Variants in PIK3CB observed in about 807,000 individuals in gnomAD.
PIK3CB encodes phosphatidylinositol 4,5-bisphosphate 3-kinase catalytic subunit beta isoform.
In PIK3CB, 39 loss-of-function variants were observed where a neutral mutation model predicts 136.8. The ratio of observed to expected loss-of-function variants is 0.29; its 90% confidence interval spans 0.22 to 0.37. PIK3CB has a LOEUF of 0.37. PIK3CB is among the 10% of genes least tolerant of loss of function. The pLI is 1.00. For synonymous variants in PIK3CB, 428 were observed against 436.6 expected (o/e 0.98, Z 0.25); for missense variants, 868 against 1,275.4 (o/e 0.68, Z 4.87).
At position 138,707,309 on chromosome 3, in the gene PIK3CB, T is replaced by C; in HGVS notation, c.1400-20A>G. 1 of 1,581,208 alleles carries C rather than the reference T, an allele frequency of 6.3e-7. No individual in the cohort carries two copies. The highest frequency in any genetic ancestry group is 2.3e-5 in the East Asian group (1 of 44,244). On this transcript the variant is annotated intron_variant, in intron 10 of 23. Coordinates refer to ENST00000674063, the MANE Select transcript of PIK3CB (RefSeq NM_006219.3). ...GTTCATCTAAAACATGCAAATAATTTTGGTTCTTAAAAAATGTCTTTAAAA... is the reference window on the plus strand; with the variant it reads ...GTTCATCTAAAACATGCAAATAATTCTGGTTCTTAAAAAATGTCTTTAAAA...
Position 138,688,963 on chromosome 3 carries a change from T to G in PIK3CB, c.2048A>C (p.His683Pro). The G allele has an allele frequency of 6.8e-6, 11 of 1,611,156 alleles. No homozygotes were observed. Among genetic ancestry groups the G allele is most frequent in the Non-Finnish European group, 9.3e-6 (11 of 1,177,258 alleles). ...AAATTGTACTGAGACAGCAGGAATG[T>G]GCACTTCTGACCTGCAGAAAGTTAA... is the stretch of plus-strand genomic sequence containing the variant. ...FLFWHLRSEV[H>P]IPAVSVQFGV... The change falls in exon 16 of 24, where the codon CAC becomes CCC. Residue 683 changes from histidine to proline, a missense_variant. Physicochemically the swap from His to Pro is moderately conservative, Grantham distance 77. This residue lies in a region of PIK3CB where 165 missense variants were observed against 295.4 expected (regional missense o/e 0.56). Transcript: ENST00000674063.
chr3:138,695,004 C>A, intron 13 of PIK3CB, 97 bp from the exon 14 acceptor site: 1 of 1,180,772 alleles, frequency 8.5e-7, no homozygotes, highest in Non-Finnish European at 1.2e-6. Context: ...CAAAAGAAGG[C>A]AAAGCTCACT....
chr3:138,693,990 A>G (rs1203232423), intron 14 of PIK3CB, among the ~76,000 whole-genome samples: 2 of 115,468 alleles, frequency 1.7e-5, no homozygotes, highest in African/African-American at 3.5e-5. Flanking sequence ...ATATATATAT[A>G]TATTTTAAAC....
At chr3:138,780,551 G>A (rs777445977) in intron 2 of PIK3CB, among the ~76,000 whole-genome samples, 11 of 152,218 alleles carry the variant, frequency 7.2e-5, no homozygotes, top group South Asian at 4.1e-4. Flanking sequence ...TTACAGGTGT[G>A]AGCCACTGTG....
chr3:138,802,979 T>G (rs937918385), intron 1 of PIK3CB, among the ~76,000 whole-genome samples: 1 of 152,108 alleles, frequency 6.6e-6, no homozygotes, highest in Admixed American at 6.6e-5. Context: ...CTAAAAGAAA[T>G]GTACAAAAGA....
chr3:138,791,192 G>C (rs1360929579), intron 2 of PIK3CB, among the ~76,000 whole-genome samples: 1 of 151,408 alleles, frequency 6.6e-6, no homozygotes, highest in Non-Finnish European at 1.5e-5. Context: ...ACCCAGGCTG[G>C]AGTGCAGTGG....
At chr3:138,808,795 A>T (rs2046262156) in intron 1 of PIK3CB, among the ~76,000 whole-genome samples, 1 of 151,712 alleles carries the variant, frequency 6.6e-6, no homozygotes, top group Admixed American at 6.6e-5. Context: ...TTATATATGA[A>T]TATAAAATAT....
intron 1 of PIK3CB, among the ~76,000 whole-genome samples, chr3:138,812,198 G>A (rs985103306): frequency 1.9e-4 from 29 of 151,648 alleles, no homozygotes; most frequent in African/African-American, 6.8e-4. Context: ...TAGAAAGGGT[G>A]GGAGGGAGGT....
At chr3:138,800,463 C>G (rs994228823) in intron 1 of PIK3CB, among the ~76,000 whole-genome samples, 1 of 151,594 alleles carries the variant, frequency 6.6e-6, no homozygotes, top group African/African-American at 2.4e-5. Flanking sequence ...GCTGGGACTA[C>G]AGGCGTGTGC....
intron 12 of PIK3CB, among the ~76,000 whole-genome samples, chr3:138,700,516 T>A (rs1456719050): frequency 6.6e-6 from 1 of 151,942 alleles, no homozygotes; most frequent in Non-Finnish European, 1.5e-5. Flanking sequence ...TAAATGACAG[T>A]AACTAATTAC....
chr3:138,787,860 T>C (rs1186381191), intron 2 of PIK3CB, among the ~76,000 whole-genome samples: 1 of 152,010 alleles, frequency 6.6e-6, no homozygotes, highest in Non-Finnish European at 1.5e-5. Flanking sequence ...ATACTTAAGA[T>C]TTTTTAAGGC....
intron 1 of PIK3CB, among the ~76,000 whole-genome samples, chr3:138,829,784 T>A (rs761514036): frequency 6.6e-6 from 1 of 151,874 alleles, no homozygotes; most frequent in Non-Finnish European, 1.5e-5. Flanking sequence ...CGAAACTCCA[T>A]CTCAAAAAAG....
Position 138,705,155 on chromosome 3 carries a change from C to CAA in PIK3CB, c.1531-664_1531-663dup, listed in dbSNP as rs1312893752. 7.8e-3 allele frequency among the ~76,000 whole-genome samples: 232 copies of CAA among 29,774 alleles called. 21 individuals carry two copies. Among genetic ancestry groups the CAA allele is most frequent in the East Asian group, 0.017 (4 of 232 alleles). 19.5% of individuals were successfully genotyped at this position (29,774 alleles called of 152,430 possible). A position where few individuals can be genotyped will look rare whatever the true frequency, so the allele number is the denominator to read the frequency against. On this transcript the variant is annotated intron_variant, in intron 11 of 23. Transcript: ENST00000674063. ...AAGACTCTCCAAGAGATTAGAAAGG[C>CAA]AAAAAAAAAAAAAAAAAACAAAAAA...
At chr3:138,797,268 C>G (rs2046119317) in intron 1 of PIK3CB, 2 of 152,064 alleles carry the variant, frequency 1.3e-5, no homozygotes, top group African/African-American at 4.8e-5. Flanking sequence ...TGGCAAATTC[C>G]AAATATAAAT....
At chr3:138,766,282 A>G (rs1299627602) in intron 2 of PIK3CB, among the ~76,000 whole-genome samples, 1 of 152,224 alleles carries the variant, frequency 6.6e-6, no homozygotes, top group African/African-American at 2.4e-5. Context: ...TCAAAGGGAT[A>G]ACCATTATTT....
intron 1 of PIK3CB, chr3:138,797,366 T>C (rs1481573675): frequency 6.6e-6 from 1 of 152,158 alleles, no homozygotes; most frequent in Non-Finnish European, 1.5e-5. Flanking sequence ...GGTGACAGCT[T>C]ACCAGTAAAC....
intron 20 of PIK3CB, among the ~76,000 whole-genome samples, chr3:138,664,788 T>A (rs371800195): frequency 6.6e-6 from 1 of 152,188 alleles, no homozygotes; most frequent in African/African-American, 2.4e-5. Flanking sequence ...TATCTTTAAA[T>A]ACTTAAATTC....
intron 10 of PIK3CB, 115 bp downstream of exon 10, chr3:138,712,093 C>T (rs1476433041): frequency 3.8e-5 from 19 of 498,382 alleles, no homozygotes; most frequent in Non-Finnish European, 6.3e-5. Flanking sequence ...ATAAATAATA[C>T]AAAATGATAA....
intron 19 of PIK3CB, among the ~76,000 whole-genome samples, chr3:138,681,044 TTTTTTTTG>T (rs1290087921): frequency 1.4e-5 from 2 of 147,054 alleles, no homozygotes; most frequent in African/African-American, 5.0e-5. Flanking sequence ...CATGTTAGTT[TTTTTTTTG>T]TTTTTTTTTT....
Sources: allele counts gnomAD v4.1 joint callset (sites outside exome capture counted in the v4.1 genomes callset), GRCh38; gene constraint gnomAD v4.1.1; regional missense constraint gnomAD v4.1.1; transcripts MANE v1.5; gene names NCBI Gene and HGNC (gene_info 2026-07-23, HGNC 2026-07-21).